AGTRAP: variants seen among roughly 807,000 people sequenced by gnomAD.
AGTRAP encodes angiotensin II receptor associated protein.
Under a neutral mutation model 15.2 loss-of-function variants are expected in AGTRAP, and 7 were observed. The observed-to-expected ratio is 0.46, with a 90% confidence interval of 0.26 to 0.87. The LOEUF (loss-of-function observed/expected upper bound fraction) is 0.87. Ranked by LOEUF, AGTRAP falls within the 40% of genes least tolerant of loss-of-function variation. The pLI is 0.15. For synonymous variants in AGTRAP, 74 were observed against 89.6 expected (o/e 0.83, Z 0.98); for missense variants, 187 against 213.4 (o/e 0.88, Z 0.77).
rs1401897803 is a variant in AGTRAP, at chr1:11,750,346, GC to G, written c.*156del. Reference sequence around the variant, plus strand: ...ACCAAGAGGCCAGGAGCCCCCATGGGCCGCCCAGTACCATGCACACTCCTGT... The same window carrying G: ...ACCAAGAGGCCAGGAGCCCCCATGGGCGCCCAGTACCATGCACACTCCTGT... On this transcript the variant is annotated 3_prime_UTR_variant, in exon 5 of 5. Coordinates refer to ENST00000314340, the MANE Select transcript of AGTRAP (RefSeq NM_020350.5). 2 of 740,340 alleles carry G rather than the reference GC, an allele frequency of 2.7e-6. No individual in the cohort carries two copies. Among genetic ancestry groups the G allele is most frequent in the Non-Finnish European group, 4.7e-6 (2 of 422,972 alleles). 45.9% of individuals were successfully genotyped at this position (740,340 alleles called of 1,614,324 possible).
At position 11,750,323 on chromosome 1, in the gene AGTRAP, C is replaced by G. The variant is rs1287199153; in HGVS notation, c.*131C>G. The G allele has an allele frequency of 1.1e-6, 1 of 881,806 alleles. No homozygotes were observed. Among genetic ancestry groups the G allele is most frequent in the African/African-American group, 1.7e-5 (1 of 60,390 alleles). The allele number at this position is 881,806 out of a possible 1,614,324, so 54.6% of individuals were successfully genotyped here. ...TCCCCAGCTCAGGGATTGCCTGAAC[C>G]AAGAGGCCAGGAGCCCCCATGGGCC... On this transcript the variant is annotated 3_prime_UTR_variant, in exon 5 of 5. Transcript: ENST00000314340.
intron 1 of AGTRAP, among the ~76,000 whole-genome samples, chr1:11,736,804 C>T (rs1407581988): frequency 1.3e-5 from 2 of 152,270 alleles, no homozygotes; most frequent in African/African-American, 4.8e-5. Context: ...AAAACCCCAA[C>T]TTTGTGCACT....
At chr1:11,748,224 G>A (rs528727609) in intron 3 of AGTRAP, among the ~76,000 whole-genome samples, 191 bp from the exon 4 acceptor site, 11 of 152,320 alleles carry the variant, frequency 7.2e-5, no homozygotes, top group South Asian at 4.1e-4. Context: ...CTGGGCCCCC[G>A]GCATCCCTGC....
At chr1:11,740,285 G>A (rs894287471) in intron 1 of AGTRAP, among the ~76,000 whole-genome samples, 3 of 152,052 alleles carry the variant, frequency 2.0e-5, no homozygotes, top group African/African-American at 7.2e-5. Flanking sequence ...GGCCCGTTTG[G>A]CTCAGTTTCT....
chr1:11,743,766 A>C (rs909209284), intron 1 of AGTRAP, among the ~76,000 whole-genome samples: 1 of 151,712 alleles, frequency 6.6e-6, no homozygotes, highest in African/African-American at 2.4e-5. Context: ...GGGTTTCTCC[A>C]TGCTGGTCAG....
intron 2 of AGTRAP, chr1:11,746,072 G>A: frequency 6.4e-7 from 1 of 1,557,790 alleles, no homozygotes; most frequent in Non-Finnish European, 8.8e-7. Context: ...CCCACAGTGA[G>A]GCCTCAGCAC....
chr1:11,749,202 TCTC>T (rs1421484722), intron 4 of AGTRAP, among the ~76,000 whole-genome samples: 3 of 152,344 alleles, frequency 2.0e-5, no homozygotes, highest in African/African-American at 2.4e-5. Context: ...CTGTACTCCT[TCTC>T]CTGGTGGCCG....
chr1:11,744,361 G>A (rs1425856107), intron 1 of AGTRAP, among the ~76,000 whole-genome samples: 2 of 152,112 alleles, frequency 1.3e-5, no homozygotes, highest in Non-Finnish European at 2.9e-5. Flanking sequence ...TTACCATAAG[G>A]CATACCAAGC....
intron 2 of AGTRAP, chr1:11,746,092 ATTTTCACCTTTACCATCTCT>A: frequency 1.2e-6 from 2 of 1,602,564 alleles, no homozygotes; most frequent in Non-Finnish European, 1.7e-6. Context: ...CTGCAGCTTG[ATTTTCACCTTTACCATCTCT>A]TTTAATCTGT....
chr1:11,744,832 C>T (rs1442467791), intron 1 of AGTRAP, among the ~76,000 whole-genome samples: 1 of 152,110 alleles, frequency 6.6e-6, no homozygotes, highest in African/African-American at 2.4e-5. Flanking sequence ...GCTGGTTGCC[C>T]TTTTTAAAAA....
intron 1 of AGTRAP, among the ~76,000 whole-genome samples, chr1:11,744,893 C>T (rs922854703): frequency 1.3e-5 from 2 of 152,152 alleles, no homozygotes; most frequent in Non-Finnish European, 2.9e-5. Context: ...TTTCTCTCGT[C>T]GCCCAGGCTG....
At chr1:11,749,082 T>A (rs374760972) in intron 4 of AGTRAP, among the ~76,000 whole-genome samples, 6 of 151,914 alleles carry the variant, frequency 3.9e-5, no homozygotes, top group African/African-American at 1.2e-4. Context: ...GTGTAGGCTG[T>A]GGGAGCCTCA....
chr1:11,736,176 G>T lies in AGTRAP; in HGVS notation c.-33G>T. On this transcript the variant is annotated 5_prime_UTR_variant, in exon 1 of 5. Coordinates refer to ENST00000314340, the MANE Select transcript of AGTRAP (RefSeq NM_020350.5). ...GTTCGGAGCCTAGGAGCCCCCCGCG[G>T]CTGCGGCGCAGGTGCCCTCGGCCTG... is the stretch of plus-strand genomic sequence containing the variant. The T allele has an allele frequency of 6.3e-7, 1 of 1,593,800 alleles. No homozygotes were observed. Among genetic ancestry groups the T allele is most frequent in the Non-Finnish European group, 8.5e-7 (1 of 1,171,478 alleles).
chr1:11,742,058 C>T (rs985323254), intron 1 of AGTRAP, among the ~76,000 whole-genome samples: 4 of 152,254 alleles, frequency 2.6e-5, no homozygotes, highest in African/African-American at 7.2e-5. Flanking sequence ...CTCTGGATTC[C>T]ATCTGCCCCC....
In AGTRAP at chr1:11,736,185, C is replaced by T. The variant is rs1450305893; in HGVS notation, c.-24C>T. The T allele has an allele frequency of 1.3e-6, 2 of 1,599,050 alleles. No individual in the cohort carries two copies. The highest frequency in any genetic ancestry group is 2.3e-5 in the East Asian group (1 of 44,396). ...CTAGGAGCCCCCCGCGGCTGCGGCG[C>T]AGGTGCCCTCGGCCTGAGTCGGGAT... On this transcript the variant is annotated 5_prime_UTR_variant, in exon 1 of 5. Coordinates refer to ENST00000314340, the MANE Select transcript of AGTRAP (RefSeq NM_020350.5).
At chr1:11,750,015 A>C in intron 4 of AGTRAP, 62 bp from the exon 5 acceptor site, 1 of 1,386,780 alleles carries the variant, frequency 7.2e-7, no homozygotes, top group Non-Finnish European at 1.0e-6. Context: ...GGTTGGACTC[A>C]GCTGAACATC....
chr1:11,747,657 A>G (rs1642199073), intron 3 of AGTRAP, 112 bp downstream of exon 3: 1 of 1,120,024 alleles, frequency 8.9e-7, no homozygotes, highest in Admixed American at 1.9e-5. Context: ...TCCTTGGGCC[A>G]CCACTTCCCA....
chr1:11,745,676 C>T lies in AGTRAP; in HGVS notation c.28-127C>T. The T allele has an allele frequency of 1.0e-6, 1 of 1,004,898 alleles. No individual in the cohort carries two copies. The highest frequency in any genetic ancestry group is 1.6e-6 in the Non-Finnish European group (1 of 637,612). The allele number at this position is 1,004,898 out of a possible 1,614,324, so 62.2% of individuals were successfully genotyped here. A position where few individuals can be genotyped will look rare whatever the true frequency, so the allele number is the denominator to read the frequency against. ...TGCAGTTGCTGGTGTGCCTTTTCAA[C>T]AGACATTACTGAGGCCCTCAGAGGT... On this transcript the variant is annotated intron_variant, in intron 1 of 4. Transcript: ENST00000314340. This position sits in a 1 kb window ranked among gnomAD's most constrained non-coding sequence, Gnocchi z 4.2.
In AGTRAP at chr1:11,736,674, C is replaced by T. The variant is rs560347852; in HGVS notation, c.27+439C>T. Among the ~76,000 whole-genome samples, 5 of 152,344 alleles carry T rather than the reference C, an allele frequency of 3.3e-5. No homozygotes were observed. The South Asian group carries it at 1.0e-3, about 32-fold the overall frequency. Reference sequence around the variant, plus strand: ...ACCGTTTCAGGAGCCTCCTTGTTTGCTAAGTCGGGTTAAGGAAATCAGATG... The same window carrying T: ...ACCGTTTCAGGAGCCTCCTTGTTTGTTAAGTCGGGTTAAGGAAATCAGATG... On this transcript the variant is annotated intron_variant, in intron 1 of 4. Transcript: ENST00000314340.
Sources: gnomAD v4.1 joint callset for allele counts (sites outside exome capture counted in the v4.1 genomes callset) on GRCh38, gnomAD v4.1.1 for gene constraint, Gnocchi (gnomAD v3.1) non-coding constraint, MANE v1.5 for transcripts, NCBI Gene and HGNC (gene_info 2026-07-23, HGNC 2026-07-21) for gene names.